The following TRDMT1 variants were observed in gnomAD, a reference collection of about 807,000 sequenced individuals.
TRDMT1 encodes tRNA aspartic acid methyltransferase 1.
Under a neutral mutation model 51.2 loss-of-function variants are expected in TRDMT1, and 49 were observed. The ratio of observed to expected loss-of-function variants is 0.96; its 90% CI spans 0.76 to 1.21. The LOEUF is 1.21. Ranked by LOEUF, TRDMT1 falls within the 50% of genes most tolerant of loss-of-function variation. TRDMT1 has a pLI of 0.00. For synonymous variants in TRDMT1, 187 were observed against 164.6 expected (o/e 1.14, Z -1.04); for missense variants, 534 against 462.3 (o/e 1.16, Z -1.42).
At position 17,148,980 on chromosome 10, in the gene TRDMT1, A is replaced by T; in HGVS notation, c.*60T>A. ...CAGAATTAGTTCAAAACAGAATTTC[A>T]GAATTACTCTCTGAAAATGAAGGAA... is the stretch of plus-strand genomic sequence containing the variant. On this transcript the variant is annotated 3_prime_UTR_variant, in exon 11 of 11. Coordinates refer to ENST00000377799, the MANE Select transcript of TRDMT1 (RefSeq NM_004412.7). The T allele has an allele frequency of 6.8e-7, 1 of 1,478,882 alleles. No individual in the cohort carries two copies. Among genetic ancestry groups the T allele is most frequent in the East Asian group, 2.4e-5 (1 of 41,004 alleles). The allele number at this position is 1,478,882 out of a possible 1,614,324, so 91.6% of individuals were successfully genotyped here. A position where few individuals can be genotyped will look rare whatever the true frequency, so the allele number is the denominator to read the frequency against.
In TRDMT1 at chr10:17,201,541, TAG is replaced by T. The variant is rs1351307102; in HGVS notation, c.64+28_64+29del. 6 of 1,541,588 alleles carry T rather than the reference TAG, an allele frequency of 3.9e-6. No individual in the cohort carries two copies. In the South Asian group the frequency reaches 4.8e-5, roughly 12 times the overall value. On this transcript the variant is annotated intron_variant, in intron 1 of 10. Transcript: ENST00000377799. ...GCTCCAACCAGCCCCCGTGAGCGAA[TAG>T]AGAGAGGGGTGCTAGATGGACTCTC...
chr10:17,176,326 T>C (rs1489943926), intron 1 of TRDMT1, among the ~76,000 whole-genome samples: 3 of 152,196 alleles, frequency 2.0e-5, no homozygotes, highest in Non-Finnish European at 2.9e-5. Flanking sequence ...TTAATAGGAC[T>C]TGTATCTTTT....
rs1837721735 is a variant in TRDMT1 at position 17,141,882 on chromosome 10, G to A, written c.*7158C>T. On this transcript the variant is annotated 3_prime_UTR_variant, in exon 11 of 11. Transcript: ENST00000377799. ...TTCTGAAAATAAAGTTAATGTAACA[G>A]ACAAAATGTCCAGGATCTAATCAAA... Among the ~76,000 whole-genome samples the A allele has an allele frequency of 6.6e-6, 1 of 152,182 alleles. No individual in the cohort carries two copies.
chr10:17,201,481 T>TCCGCCCAAA, intron 1 of TRDMT1, 90 bp downstream of exon 1: 1 of 1,373,276 alleles, frequency 7.3e-7, no homozygotes, highest in Non-Finnish European at 1.0e-6. Context: ...GTCCGCCCCT[T>TCCGCCCAAA]GCGTCTCGCC....
intron 1 of TRDMT1, among the ~76,000 whole-genome samples, chr10:17,179,477 T>G (rs1843011591): frequency 6.6e-6 from 1 of 152,054 alleles, no homozygotes; most frequent in South Asian, 2.1e-4. Context: ...TTATTAAAAT[T>G]CATATTCACT....
chr10:17,159,266 A>T, intron 6 of TRDMT1, 37 bp from the exon 7 acceptor site: 1 of 1,495,610 alleles, frequency 6.7e-7, no homozygotes, highest in Non-Finnish European at 9.1e-7. Flanking sequence ...ACTCTAAAAA[A>T]TTAAAGAGAG....
chr10:17,151,210 T>A (rs760406945), intron 10 of TRDMT1: 1 of 879,446 alleles, frequency 1.1e-6, no homozygotes, highest in Non-Finnish European at 1.4e-6. Context: ...ATCTAACAAT[T>A]TGTGAAAAAA....
rs1448361346 is a variant in TRDMT1, at chr10:17,148,916, T to C, written c.*124A>G. ...ATTTTTTTAATAAAATCCAAATTTC[T>C]TAATAAGGACAGATTAAAATAATTT... On this transcript the variant is annotated 3_prime_UTR_variant, in exon 11 of 11. Transcript: ENST00000377799. The C allele has an allele frequency of 9.2e-6, 12 of 1,305,600 alleles. No individual in the cohort carries two copies. The South Asian group carries it at 2.0e-4, about 21-fold the overall frequency. The allele number at this position is 1,305,600 out of a possible 1,614,324, so 80.9% of individuals were successfully genotyped here.
chr10:17,157,259 T>C, intron 8 of TRDMT1, among the ~76,000 whole-genome samples, 182 bp downstream of exon 8: 1 of 152,202 alleles, frequency 6.6e-6, no homozygotes, highest in East Asian at 1.9e-4. Flanking sequence ...CATAATGTTC[T>C]GCCAAACGGA....
chr10:17,184,884 T>C (rs1055971133), intron 1 of TRDMT1, among the ~76,000 whole-genome samples: 5 of 152,188 alleles, frequency 3.3e-5, no homozygotes, highest in Admixed American at 3.3e-4. Context: ...TTATTTTGTG[T>C]GTGTGTTCAT....
At chr10:17,150,757 A>C (rs1196336355) in intron 10 of TRDMT1, 2 of 985,044 alleles carry the variant, frequency 2.0e-6, no homozygotes, top group African/African-American at 3.5e-5. Flanking sequence ...CTGCAATAAA[A>C]TAACAGCAAT....
chr10:17,176,233 T>C (rs532022970), intron 1 of TRDMT1, among the ~76,000 whole-genome samples: 1 of 152,342 alleles, frequency 6.6e-6, no homozygotes, highest in East Asian at 1.9e-4. Flanking sequence ...TTTACTGTTT[T>C]GTTAAATATG....
Position 17,162,257 on chromosome 10 carries a change from A to C in TRDMT1, c.252-20T>G, listed in dbSNP as rs770601996. 5.2e-6 allele frequency: 8 copies of C among 1,542,976 alleles called. No homozygotes were observed. Among genetic ancestry groups the C allele is most frequent in the East Asian group, 2.2e-5 (1 of 44,486 alleles). ...CCAATCCTAAAGGGGTAAAAAAAAA[A>C]AAAAACAAAAAAAAACACAGAAAGT... On this transcript the variant is annotated intron_variant, in intron 3 of 10. Transcript: ENST00000377799.
At chr10:17,200,310 C>T (rs1287298315) in intron 1 of TRDMT1, among the ~76,000 whole-genome samples, 9 of 152,098 alleles carry the variant, frequency 5.9e-5, no homozygotes, top group African/African-American at 4.8e-5. Flanking sequence ...TGGGAAAACG[C>T]GGACATTATA....
chr10:17,146,613 T>C lies in TRDMT1; in HGVS notation c.*2427A>G, dbSNP rs1441470078. ...GGCAAGCCGTTTAAAAGAGCAGGGA[T>C]GATGGGAAAAGGAGAACGAAAAATC... On this transcript the variant is annotated 3_prime_UTR_variant, in exon 11 of 11. Transcript: ENST00000377799. 1.0e-6 allele frequency: 1 copy of C among 985,186 alleles called. No homozygotes were observed. The highest frequency in any genetic ancestry group is 1.1e-4 in the East Asian group (1 of 8,818). The allele number at this position is 985,186 out of a possible 1,614,324, so 61.0% of individuals were successfully genotyped here.
At chr10:17,194,078 C>T (rs1195596287) in intron 1 of TRDMT1, among the ~76,000 whole-genome samples, 3 of 152,112 alleles carry the variant, frequency 2.0e-5, no homozygotes, top group Non-Finnish European at 2.9e-5. Flanking sequence ...ATTTAATAAA[C>T]GGTGCTAGGA....
rs895202444 is a variant in TRDMT1, at chr10:17,143,192, T to C, written c.*5848A>G. On this transcript the variant is annotated 3_prime_UTR_variant, in exon 11 of 11. Coordinates refer to ENST00000377799, the MANE Select transcript of TRDMT1 (RefSeq NM_004412.7). ...ACTCCACAGTGTGGTGCTTTCTATG[T>C]AGCTTCAATATTGATTCCAGTATGG... 3.0e-6 allele frequency: 3 copies of C among 985,352 alleles called. No homozygotes were observed. The highest frequency in any genetic ancestry group is 5.2e-4 in the Middle Eastern group (1 of 1,936). 61.0% of individuals were successfully genotyped at this position (985,352 alleles called of 1,614,324 possible). A position where few individuals can be genotyped will look rare whatever the true frequency, so the allele number is the denominator to read the frequency against.
intron 10 of TRDMT1, among the ~76,000 whole-genome samples, chr10:17,152,483 A>G (rs927526873): frequency 1.3e-5 from 2 of 152,246 alleles, no homozygotes; most frequent in Non-Finnish European, 2.9e-5. Context: ...TTTGAGGGAT[A>G]GTGCCATATT....
rs759120026 is a variant in TRDMT1, at chr10:17,144,022, C to G, written c.*5018G>C. 40 of 985,274 alleles carry G rather than the reference C, an allele frequency of 4.1e-5. No homozygotes were observed. Among genetic ancestry groups the G allele is most frequent in the Non-Finnish European group, 4.6e-5 (38 of 829,936 alleles). The allele number at this position is 985,274 out of a possible 1,614,324, so 61.0% of individuals were successfully genotyped here. On this transcript the variant is annotated 3_prime_UTR_variant, in exon 11 of 11. Transcript: ENST00000377799. ...AGGAAAACAGCAGATTTAGAGTCATCTGGGTGTCATCGGCAAAATGGCTGA... is the reference window on the plus strand; with the variant it reads ...AGGAAAACAGCAGATTTAGAGTCATGTGGGTGTCATCGGCAAAATGGCTGA...
Sources: allele counts gnomAD v4.1 joint callset (sites outside exome capture counted in the v4.1 genomes callset), GRCh38; gene constraint gnomAD v4.1.1; transcripts MANE v1.5; gene names NCBI Gene and HGNC (gene_info 2026-07-23, HGNC 2026-07-21).